The following HSF2 variants were observed in gnomAD, a reference collection of about 807,000 sequenced individuals.
HSF2 encodes the protein heat shock transcription factor 2.
A neutral mutation model predicts 65.0 loss-of-function variants in HSF2; 21 were observed. That is an observed-to-expected ratio of 0.32 (90% confidence interval 0.23 to 0.47). The LOEUF is 0.47. Ranked by LOEUF, HSF2 falls within the 20% of genes least tolerant of loss-of-function variation. The probability of loss-of-function intolerance (pLI) is 1.00; values close to 1 mark genes in which losing one functional copy is unlikely to be tolerated. For missense variants in HSF2, 499 were observed against 628.1 expected (o/e 0.79, Z 2.20); for synonymous variants, 225 against 219.1 (o/e 1.03, Z -0.24).
chr6:122,431,973 A>T lies in HSF2; in HGVS notation c.1364A>T (p.Asp455Val). 1 of 1,613,994 alleles carries T rather than the reference A, an allele frequency of 6.2e-7. No individual in the cohort carries two copies. Among genetic ancestry groups the T allele is most frequent in the Non-Finnish European group, 8.5e-7 (1 of 1,179,938 alleles). The change falls in exon 13 of 13, where the codon GAT (aspartate) becomes GTT (valine). Residue 455 changes from aspartate (D) to valine (V), a missense_variant. Physicochemically the swap from Asp to Val is radical, Grantham distance 152. Around this residue, in one of 2 missense-constraint regions of HSF2, gnomAD observed 349 missense variants for 393.5 expected, o/e 0.89. Transcript: ENST00000368455. ...GCCTTTCCACTTCTTGCATTCCTCG[A>T]TGGGAACCCTGCTTCTTCTGTTGAA... ...YTAFPLLAFL[D>V]GNPASSVEQA... is the part of the protein sequence containing the mutation.
chr6:122,399,905 C>T (rs1160332149), intron 1 of HSF2, 75 bp downstream of exon 1: 5 of 1,176,328 alleles, frequency 4.3e-6, no homozygotes, highest in East Asian at 2.4e-5. Flanking sequence ...GGGGTGGTCT[C>T]TCGCGGCCTT....
Position 122,425,333 on chromosome 6 carries a change from C to T in HSF2, c.1176+1647C>T, listed in dbSNP as rs182494222. On this transcript the variant is annotated intron_variant, in intron 10 of 12. Coordinates refer to ENST00000368455, the MANE Select transcript of HSF2 (RefSeq NM_004506.4). The stretch of plus-strand genomic sequence containing the variant: ...GTCTTGGTTTTTTTCATTGTAAGTA[C>T]GCTGTGTGTGATTTTTCTTTTCTTT... Among the ~76,000 whole-genome samples the T allele has an allele frequency of 1.8e-4, 28 of 152,004 alleles. No individual in the cohort carries two copies. In the East Asian group the frequency reaches 3.1e-3, roughly 17 times the overall value.
At chr6:122,421,412 AT>A (rs1470722946) in intron 7 of HSF2, among the ~76,000 whole-genome samples, 2 of 151,932 alleles carry the variant, frequency 1.3e-5, no homozygotes, top group African/African-American at 4.8e-5. Flanking sequence ...AAGCATACCT[AT>A]TTTGTTTTTA....
intron 4 of HSF2, among the ~76,000 whole-genome samples, chr6:122,415,010 G>T (rs1056669700): frequency 3.3e-5 from 5 of 151,954 alleles, no homozygotes; most frequent in Admixed American, 3.3e-4. Context: ...AATCTCCTTT[G>T]GTATACCCTT....
chr6:122,404,919 A>G (rs1436326188), intron 1 of HSF2, among the ~76,000 whole-genome samples: 2 of 152,220 alleles, frequency 1.3e-5, no homozygotes, highest in Non-Finnish European at 2.9e-5. Context: ...GCAAGAGATT[A>G]TTGTCATCTC....
At chr6:122,416,849 A>G (rs774308962) in intron 5 of HSF2, among the ~76,000 whole-genome samples, 13 of 152,178 alleles carry the variant, frequency 8.5e-5, no homozygotes, top group Admixed American at 2.0e-4. Context: ...TTAATAGAGG[A>G]GTTGGAATCC....
At chr6:122,419,123 GAATT>G in intron 5 of HSF2, 41 bp from the exon 6 acceptor site, 1 of 914,858 alleles carries the variant, frequency 1.1e-6, no homozygotes, top group Non-Finnish European at 1.8e-6. Flanking sequence ...AGAGACAAAA[GAATT>G]AACAGTATAA....
chr6:122,407,411 T>C (rs756490373), intron 1 of HSF2, among the ~76,000 whole-genome samples: 1 of 152,142 alleles, frequency 6.6e-6, no homozygotes, highest in Admixed American at 6.6e-5. Flanking sequence ...TTAATCTGCC[T>C]CTTCAAAACT....
At chr6:122,431,130 G>C (rs942636976) in intron 11 of HSF2, among the ~76,000 whole-genome samples, 10 of 152,002 alleles carry the variant, frequency 6.6e-5, no homozygotes, top group Non-Finnish European at 1.5e-5. Flanking sequence ...GATTCATTCT[G>C]ATCTTTTACT....
At chr6:122,429,971 T>G (rs2114457075) in intron 11 of HSF2, among the ~76,000 whole-genome samples, 1 of 152,294 alleles carries the variant, frequency 6.6e-6, no homozygotes, top group South Asian at 2.1e-4. Flanking sequence ...GAAATTTTCT[T>G]TTTTTGTTGT....
chr6:122,413,681 C>A, intron 4 of HSF2, 32 bp downstream of exon 4: 1 of 1,560,712 alleles, frequency 6.4e-7, no homozygotes, highest in Non-Finnish European at 8.8e-7. Flanking sequence ...TAATTTTAAT[C>A]TGGGAATTGG....
chr6:122,403,786 G>A (rs747411040), intron 1 of HSF2, among the ~76,000 whole-genome samples: 3 of 152,154 alleles, frequency 2.0e-5, no homozygotes, highest in South Asian at 2.1e-4. Flanking sequence ...ATCAAGTACA[G>A]AGATTGTACT....
At chr6:122,431,185 T>A (rs1582622527) in intron 11 of HSF2, among the ~76,000 whole-genome samples, 2 of 152,110 alleles carry the variant, frequency 1.3e-5, no homozygotes, top group East Asian at 3.8e-4. Flanking sequence ...CCCCTTCATT[T>A]CATACTTAAT....
At chr6:122,417,473 T>C (rs1774151218) in intron 5 of HSF2, among the ~76,000 whole-genome samples, 1 of 152,154 alleles carries the variant, frequency 6.6e-6, no homozygotes, top group Non-Finnish European at 1.5e-5. Context: ...GCTAACATTC[T>C]GTCTGCTAAA....
chr6:122,423,793 A>T (rs188815971), intron 10 of HSF2, 107 bp downstream of exon 10: 17 of 527,114 alleles, frequency 3.2e-5, no homozygotes, highest in Admixed American at 3.1e-4. Flanking sequence ...TTGTTTTTGC[A>T]TTTCTTTTTT....
intron 11 of HSF2, among the ~76,000 whole-genome samples, chr6:122,429,088 A>G (rs1487147338): frequency 6.6e-6 from 1 of 152,138 alleles, no homozygotes; most frequent in Non-Finnish European, 1.5e-5. Flanking sequence ...CTTCATTTAC[A>G]GACAGGCAGC....
chr6:122,418,697 C>G (rs1333868607), intron 5 of HSF2, among the ~76,000 whole-genome samples: 3 of 152,050 alleles, frequency 2.0e-5, no homozygotes, highest in African/African-American at 4.8e-5. Context: ...GTCTCCGACT[C>G]CTGGGCTGAA....
At chr6:122,408,230 T>C (rs971266650) in intron 1 of HSF2, among the ~76,000 whole-genome samples, 2 of 152,102 alleles carry the variant, frequency 1.3e-5, no homozygotes, top group Non-Finnish European at 2.9e-5. Context: ...TCTTAATTAC[T>C]GTAGCTTCAG....
At chr6:122,410,729 A>G (rs1444947223) in intron 1 of HSF2, among the ~76,000 whole-genome samples, 1 of 151,864 alleles carries the variant, frequency 6.6e-6, no homozygotes, top group African/African-American at 2.4e-5. Flanking sequence ...TTCATGTTGT[A>G]GCTTGTGAGA....
Sources: allele counts gnomAD v4.1 joint callset (sites outside exome capture counted in the v4.1 genomes callset), GRCh38; gene constraint gnomAD v4.1.1; regional missense constraint gnomAD v4.1.1; transcripts MANE v1.5; gene names NCBI Gene and HGNC (gene_info 2026-07-23, HGNC 2026-07-21).